Variants in MXRA7 observed in about 807,000 individuals in gnomAD.
The protein encoded by MXRA7 is matrix remodeling associated 7.
Under a neutral mutation model 17.4 loss-of-function variants are expected in MXRA7, and 18 were observed. The observed-to-expected ratio is 1.03, with a 90% CI of 0.71 to 1.53. The LOEUF is 1.53. Among genes scored for constraint, MXRA7 ranks in the 40% most tolerant of loss-of-function variants. The pLI is 0.00. For missense variants in MXRA7, 141 were observed against 209.3 expected, an observed-to-expected ratio of 0.67 and a Z score of 2.01; for synonymous variants, 70 against 101.7, an observed-to-expected ratio of 0.69 and a Z score of 1.87.
Position 76,710,600 on chromosome 17 carries a change from C to T in MXRA7, c.342+5G>A. 7.3e-7 allele frequency: 1 copy of T among 1,365,580 alleles called. No individual in the cohort carries two copies. The highest frequency in any genetic ancestry group is 9.5e-7 in the Non-Finnish European group (1 of 1,054,848). 84.6% of individuals were successfully genotyped at this position (1,365,580 alleles called of 1,614,324 possible). On this transcript the variant is annotated splice_donor_5th_base_variant and intron_variant, in intron 1 of 3. Transcript: ENST00000449428. ...GGAGGGGGCCGCGAGGGCCCCGGTG[C>T]GTACCTGCCTCGCCTCCACCGCCTG...
intron 2 of MXRA7, among the ~76,000 whole-genome samples, chr17:76,686,124 C>A (rs941630914): frequency 6.6e-6 from 1 of 152,110 alleles, no homozygotes; most frequent in Non-Finnish European, 1.5e-5. Context: ...TGATGTGGAC[C>A]GATGGGGAGG....
intron 2 of MXRA7, among the ~76,000 whole-genome samples, chr17:76,685,495 G>C (rs113440739): frequency 3.3e-5 from 5 of 152,302 alleles, no homozygotes; most frequent in African/African-American, 1.2e-4. Flanking sequence ...CGACAACTCC[G>C]GCAAGCAGAG....
chr17:76,705,991 C>CCCACACTGCCATCACAGAGGA (rs879885218), intron 1 of MXRA7, among the ~76,000 whole-genome samples: 3 of 150,632 alleles, frequency 2.0e-5, no homozygotes, highest in African/African-American at 2.5e-5. Context: ...ATCACAAAGG[C>CCCACACTGCCATCACAGAGGA]CCACACTGCC....
chr17:76,696,095 A>T (rs2076530548), intron 1 of MXRA7, among the ~76,000 whole-genome samples: 1 of 152,126 alleles, frequency 6.6e-6, no homozygotes, highest in Admixed American at 6.5e-5. Flanking sequence ...ACTCTATCTC[A>T]AAAAGAAAAA....
At chr17:76,677,596 C>T (rs991040190), downstream of MXRA7, 4 of 1,609,358 alleles carry the variant, frequency 2.5e-6, no homozygotes, top group Middle Eastern at 1.7e-4. Flanking sequence ...GTCTACATGT[C>T]GTAGAGCCGG....
rs2076301034 is a variant in MXRA7, at chr17:76,681,358, C to T, written c.501-479G>A. ...CCCGTCTTTTATGAACCAAGACACACTGCCAGCCCTGGGACCACTGAGAAC... is the reference window on the plus strand; with the variant it reads ...CCCGTCTTTTATGAACCAAGACACATTGCCAGCCCTGGGACCACTGAGAAC... On this transcript the variant is annotated intron_variant, in intron 3 of 3. Coordinates refer to ENST00000449428, the MANE Select transcript of MXRA7 (RefSeq NM_198530.4). The surrounding 1 kb of genome is among the most constrained non-coding windows in gnomAD (Gnocchi z 4.7). Among the ~76,000 whole-genome samples the T allele has an allele frequency of 6.6e-6, 1 of 152,164 alleles. No individual in the cohort carries two copies. The highest frequency in any genetic ancestry group is 2.4e-5 in the African/African-American group (1 of 41,416).
At chr17:76,695,398 A>G (rs1284196090) in intron 1 of MXRA7, among the ~76,000 whole-genome samples, 3 of 151,034 alleles carry the variant, frequency 2.0e-5, no homozygotes, top group Non-Finnish European at 4.4e-5. Flanking sequence ...GGGAAGGGAT[A>G]AAGCAAAACC....
intron 1 of MXRA7, among the ~76,000 whole-genome samples, chr17:76,706,625 G>C (rs1462781613): frequency 1.3e-5 from 2 of 152,226 alleles, no homozygotes; most frequent in Non-Finnish European, 2.9e-5. Flanking sequence ...TGAGGGCAGA[G>C]GACACAGGTG....
chr17:76,700,055 G>A (rs935713034), intron 1 of MXRA7, among the ~76,000 whole-genome samples: 36 of 152,160 alleles, frequency 2.4e-4, no homozygotes, highest in African/African-American at 8.0e-4. Context: ...CACCTCCTGG[G>A]TTCAAGCGAT....
At position 76,686,864 on chromosome 17, in the gene MXRA7, G is replaced by GAGATGGCAGGAGGCTA. The variant is rs1055531279; in HGVS notation, c.406+1233_406+1248dup. ...AACCTTTCCTTTCCCTGCCTTGCTAGAGATGGCAGGAGGCTAAGATGGCAG... is the reference window on the plus strand; with the variant it reads ...AACCTTTCCTTTCCCTGCCTTGCTAGAGATGGCAGGAGGCTAAGATGGCAGGAGGCTAAGATGGCAG... On this transcript the variant is annotated intron_variant, in intron 2 of 3. Coordinates refer to ENST00000449428, the MANE Select transcript of MXRA7 (RefSeq NM_198530.4). Among the ~76,000 whole-genome samples, 11 of 152,104 alleles carry GAGATGGCAGGAGGCTA rather than the reference G, an allele frequency of 7.2e-5. 1 individual carries two copies. The highest frequency in any genetic ancestry group is 2.4e-4 in the African/African-American group (10 of 41,496).
At chr17:76,695,666 C>T (rs780865208) in intron 1 of MXRA7, among the ~76,000 whole-genome samples, 2 of 152,066 alleles carry the variant, frequency 1.3e-5, no homozygotes, top group Non-Finnish European at 2.9e-5. Flanking sequence ...GCTTGCCAGG[C>T]AGATGTAGAG....
At position 76,681,280 on chromosome 17, in the gene MXRA7, C is replaced by A. The variant is rs11654510; in HGVS notation, c.501-401G>T. On this transcript the variant is annotated intron_variant, in intron 3 of 3. Transcript: ENST00000449428. This position sits in a 1 kb window ranked among gnomAD's most constrained non-coding sequence, Gnocchi z 4.7. ...TCCCGCTGGCTGAGTTTTGTCCCCT[C>A]GGGGGATACTGGCACCCTAGGATGC... is the stretch of plus-strand genomic sequence containing the variant. 0.11 allele frequency among the ~76,000 whole-genome samples: 16,475 copies of A among 152,110 alleles called. 1,194 individuals carry two copies. The highest frequency in any genetic ancestry group is 0.17 in the Non-Finnish European group (11,457 of 67,942).
downstream of MXRA7, chr17:76,676,070 A>G (rs1188607389): frequency 6.6e-6 from 1 of 152,378 alleles, no homozygotes; most frequent in Non-Finnish European, 1.5e-5. Flanking sequence ...TGGGACCTGC[A>G]TGGTATGAGG....
At chr17:76,688,013 T>G in intron 2 of MXRA7, 100 bp downstream of exon 2, 13 of 574,908 alleles carry the variant, frequency 2.3e-5, no homozygotes, top group Non-Finnish European at 3.5e-5. Context: ...ACCCCATCCC[T>G]CCCCTCGGCA....
downstream of MXRA7, among the ~76,000 whole-genome samples, chr17:76,678,594 C>A (rs534523106): frequency 5.3e-5 from 8 of 152,214 alleles, no homozygotes; most frequent in Non-Finnish European, 4.4e-5. Flanking sequence ...TCCTGCCCCC[C>A]ACACACCACG....
intron 1 of MXRA7, 57 bp from the exon 2 acceptor site, chr17:76,688,233 TGG>T: frequency 6.2e-7 from 1 of 1,608,618 alleles, no homozygotes; most frequent in Non-Finnish European, 8.5e-7. Flanking sequence ...TGGGAAGTGG[TGG>T]GGGGGCAGAA....
intron 1 of MXRA7, chr17:76,709,873 G>C (rs2076700829): frequency 6.5e-6 from 1 of 152,680 alleles, no homozygotes; most frequent in Non-Finnish European, 1.5e-5. Flanking sequence ...GGAGGCCTGG[G>C]GCAGAGGCAG....
At chr17:76,690,325 AT>A (rs1763886346) in intron 1 of MXRA7, 1 of 152,074 alleles carries the variant, frequency 6.6e-6, no homozygotes, top group African/African-American at 2.4e-5. Context: ...GACTAAATAT[AT>A]TTTTTAAATG....
intron 1 of MXRA7, among the ~76,000 whole-genome samples, chr17:76,700,550 G>T (rs1377196691): frequency 2.0e-5 from 3 of 152,206 alleles, no homozygotes; most frequent in African/African-American, 7.2e-5. Context: ...CCCCAGGTGG[G>T]AGACAAAGAG....
Sources: gnomAD v4.1 joint callset for allele counts (sites outside exome capture counted in the v4.1 genomes callset) on GRCh38, gnomAD v4.1.1 for gene constraint, Gnocchi (gnomAD v3.1) non-coding constraint, MANE v1.5 for transcripts, NCBI Gene and HGNC (gene_info 2026-07-23, HGNC 2026-07-21) for gene names.